RBFOX1: variants seen among roughly 807,000 people sequenced by gnomAD.
RBFOX1 encodes the protein RNA binding protein fox-1 homolog 1.
In RBFOX1, 8 loss-of-function variants were observed where a neutral mutation model predicts 57.7. The ratio of observed to expected loss-of-function variants is 0.14; its 90% CI spans 0.08 to 0.25. The LOEUF (loss-of-function observed/expected upper bound fraction) is 0.25. Ranked by LOEUF, RBFOX1 falls within the 10% of genes least tolerant of loss-of-function variation. The probability of loss-of-function intolerance (pLI) is 1.00; values close to 1 mark genes in which losing one functional copy is unlikely to be tolerated. For missense variants in RBFOX1, 611 were observed against 548.5 expected, an observed-to-expected ratio of 1.11 and a Z score of -1.14; for synonymous variants, 326 against 222.4, an observed-to-expected ratio of 1.47 and a Z score of -4.15.
intron 3 of RBFOX1, among the ~76,000 whole-genome samples, chr16:5,679,667 G>A (rs2050270181): frequency 6.6e-6 from 1 of 152,142 alleles, no homozygotes; most frequent in African/African-American, 2.4e-5. Context: ...CTTTCATGAA[G>A]TCCTCTACCC....
In RBFOX1 at chr16:7,029,544, T is replaced by A. The variant is rs894754478; in HGVS notation, c.-15-22513T>A. Among the ~76,000 whole-genome samples the A allele has an allele frequency of 3.9e-5, 6 of 151,912 alleles. No individual in the cohort carries two copies. In the South Asian group the frequency reaches 1.2e-3, roughly 32 times the overall value. ...TGCTAGCTCTTAAGAAATCTAATAT[T>A]TTACCTGGACTAATATCTCCAAACA... is the stretch of plus-strand genomic sequence containing the variant. On this transcript the variant is annotated intron_variant, in intron 3 of 15. Transcript: ENST00000550418.
chr16:6,184,620 T>A (rs2097093050), intron 1 of RBFOX1, among the ~76,000 whole-genome samples: 1 of 152,130 alleles, frequency 6.6e-6, no homozygotes, highest in Admixed American at 6.5e-5. Context: ...AGTGCAGTGG[T>A]GCGATCTCAG....
At chr16:7,411,274 A>C (rs1241420929) in intron 4 of RBFOX1, among the ~76,000 whole-genome samples, 1 of 151,982 alleles carries the variant, frequency 6.6e-6, no homozygotes, top group Non-Finnish European at 1.5e-5. Flanking sequence ...GTGACAAAGA[A>C]CTTTGTCTTG....
intron 1 of RBFOX1, among the ~76,000 whole-genome samples, chr16:5,279,284 C>A (rs796405856): frequency 1.6e-4 from 24 of 151,154 alleles, no homozygotes; most frequent in African/African-American, 5.6e-4. Context: ...TTTTCATTGT[C>A]GAGGTTTTTT....
chr16:5,691,046 A>T (rs372055890), intron 3 of RBFOX1, among the ~76,000 whole-genome samples: 9 of 152,290 alleles, frequency 5.9e-5, no homozygotes, highest in Admixed American at 5.2e-4. Flanking sequence ...TGACACAGAG[A>T]TGGAAATAAT....
chr16:7,332,524 A>G (rs952915123), intron 4 of RBFOX1, among the ~76,000 whole-genome samples: 2 of 152,130 alleles, frequency 1.3e-5, no homozygotes, highest in African/African-American at 2.4e-5. Flanking sequence ...GGAGGCGATA[A>G]TCACATTAAT....
intron 2 of RBFOX1, among the ~76,000 whole-genome samples, chr16:6,527,361 T>C (rs2096595438): frequency 6.6e-6 from 1 of 152,092 alleles, no homozygotes; most frequent in Admixed American, 6.6e-5. Flanking sequence ...CTCTCCTTCC[T>C]TCCTCCCCCA....
At chr16:7,360,608 C>T (rs1356024801) in intron 4 of RBFOX1, among the ~76,000 whole-genome samples, 1 of 152,162 alleles carries the variant, frequency 6.6e-6, no homozygotes, top group Admixed American at 6.5e-5. Context: ...CTGTAGGCCA[C>T]AACAAAGGCA....
chr16:6,859,504 C>G (rs2058633751), intron 3 of RBFOX1, among the ~76,000 whole-genome samples: 1 of 151,802 alleles, frequency 6.6e-6, no homozygotes, highest in South Asian at 2.1e-4. Context: ...TGCCCTAATG[C>G]CCATGGACCT....
intron 4 of RBFOX1, among the ~76,000 whole-genome samples, chr16:6,007,960 C>T (rs531264578): frequency 2.6e-5 from 4 of 152,082 alleles, no homozygotes; most frequent in African/African-American, 9.7e-5. Context: ...CATCTGTAAT[C>T]CCAACACCTT....
chr16:7,346,860 C>T (rs1188830627), intron 4 of RBFOX1, among the ~76,000 whole-genome samples: 3 of 152,004 alleles, frequency 2.0e-5, no homozygotes, highest in East Asian at 1.9e-4. Context: ...TTGTTAAGAT[C>T]CCTTTGGCTG....
intron 1 of RBFOX1, among the ~76,000 whole-genome samples, chr16:5,341,824 G>A (rs556454815): frequency 5.9e-5 from 9 of 152,236 alleles, no homozygotes; most frequent in East Asian, 1.9e-4. Flanking sequence ...AGTTCTCTTC[G>A]GACCATGTTA....
In RBFOX1 at chr16:6,915,109, G is replaced by A. The variant is rs529439365; in HGVS notation, c.-15-136948G>A. 2.6e-5 allele frequency among the ~76,000 whole-genome samples: 4 copies of A among 152,294 alleles called. No individual in the cohort carries two copies. The South Asian group carries it at 8.3e-4, about 32-fold the overall frequency. ...ACTGCACACTGAGAACTGGCCTGCG[G>A]TCCTCCAGCTAATCAGTGGCGGAGC... On this transcript the variant is annotated intron_variant, in intron 3 of 15. Coordinates refer to ENST00000550418, the MANE Select transcript of RBFOX1 (RefSeq NM_018723.4).
chr16:6,377,543 C>G (rs2152907329), intron 2 of RBFOX1, among the ~76,000 whole-genome samples: 1 of 152,176 alleles, frequency 6.6e-6, no homozygotes, highest in South Asian at 2.1e-4. Flanking sequence ...GTCTGCCTGC[C>G]TGCGTAGAAT....
At chr16:6,855,299 G>T (rs979564241) in intron 3 of RBFOX1, among the ~76,000 whole-genome samples, 2 of 152,072 alleles carry the variant, frequency 1.3e-5, no homozygotes, top group Non-Finnish European at 2.9e-5. Flanking sequence ...ATACAGGTCT[G>T]AGATAGCCAA....
intron 5 of RBFOX1, among the ~76,000 whole-genome samples, chr16:7,535,883 T>C (rs2081346220): frequency 6.6e-6 from 1 of 152,248 alleles, no homozygotes; most frequent in Non-Finnish European, 1.5e-5. Context: ...AGATACTCAA[T>C]AATTGTGTAT....
intron 1 of RBFOX1, among the ~76,000 whole-genome samples, chr16:5,454,688 G>T (rs2068524957): frequency 6.6e-6 from 1 of 152,000 alleles, no homozygotes; most frequent in African/African-American, 2.4e-5. Flanking sequence ...GGATTTTGCA[G>T]CCTCCATAAT....
In RBFOX1 at chr16:6,019,888, G is replaced by A; in HGVS notation, c.-231G>A. 1.3e-6 allele frequency: 2 copies of A among 1,534,876 alleles called. No individual in the cohort carries two copies. The highest frequency in any genetic ancestry group is 1.4e-5 in the African/African-American group (1 of 73,124). ...TGAGAAACCAGCACCCCCTTCCGCC[G>A]CCTCCAGCTTATGGTGAGTGTGGCT... On this transcript the variant is annotated 5_prime_UTR_variant, in exon 1 of 16. Coordinates refer to ENST00000550418, the MANE Select transcript of RBFOX1 (RefSeq NM_018723.4). This position sits in a 1 kb window ranked among gnomAD's most constrained non-coding sequence, Gnocchi z 4.2.
intron 3 of RBFOX1, among the ~76,000 whole-genome samples, chr16:7,021,198 CAGTT>C (rs1265454337): frequency 2.6e-5 from 4 of 151,974 alleles, no homozygotes; most frequent in Non-Finnish European, 4.4e-5. Context: ...TGTCTCTTCT[CAGTT>C]AGTTGCTGAG....
Sources: gnomAD v4.1 joint callset for allele counts (sites outside exome capture counted in the v4.1 genomes callset) on GRCh38, gnomAD v4.1.1 for gene constraint, Gnocchi (gnomAD v3.1) non-coding constraint, MANE v1.5 for transcripts, NCBI Gene and HGNC (gene_info 2026-07-23, HGNC 2026-07-21) for gene names.